ADD2: variants seen among roughly 807,000 people sequenced by gnomAD.
ADD2 encodes the protein adducin 2.
In ADD2, 23 loss-of-function variants were observed where a neutral mutation model predicts 83.0. The observed-to-expected ratio is 0.28, with a 90% CI of 0.20 to 0.39. The LOEUF (loss-of-function observed/expected upper bound fraction) is 0.39. Ranked by LOEUF, ADD2 falls within the 10% of genes least tolerant of loss-of-function variation. The pLI, the probability that ADD2 is intolerant of heterozygous loss-of-function variation, is 1.00. For synonymous variants in ADD2, 375 were observed against 375.4 expected (o/e 1.00, Z 0.01); for missense variants, 758 against 944.9 (o/e 0.80, Z 2.59).
chr2:70,755,593 G>A (rs1381921342), intron 1 of ADD2, among the ~76,000 whole-genome samples: 11 of 152,152 alleles, frequency 7.2e-5, no homozygotes, highest in African/African-American at 2.7e-4. Context: ...ACTGACTGAT[G>A]AGCTGGGTTG....
At chr2:70,664,944 G>T (rs1392900160) in intron 15 of ADD2, among the ~76,000 whole-genome samples, 17 of 152,070 alleles carry the variant, frequency 1.1e-4, no homozygotes, top group Admixed American at 1.1e-3. Context: ...GTGTAAGTGT[G>T]TGTGAGTGCA....
chr2:70,703,025 C>T (rs1017947726), intron 4 of ADD2, among the ~76,000 whole-genome samples: 11 of 151,910 alleles, frequency 7.2e-5, no homozygotes, highest in African/African-American at 2.7e-4. Flanking sequence ...ACTTGGCAGG[C>T]TGAAGTGGGA....
chr2:70,761,430 G>C (rs553531636), intron 1 of ADD2, among the ~76,000 whole-genome samples: 2 of 151,662 alleles, frequency 1.3e-5, no homozygotes, highest in Admixed American at 1.3e-4. Flanking sequence ...CCAACATGGT[G>C]AAACCTGGTC....
At chr2:70,680,468 T>C (rs1251276530) in intron 10 of ADD2, among the ~76,000 whole-genome samples, 1 of 152,238 alleles carries the variant, frequency 6.6e-6, no homozygotes, top group Non-Finnish European at 1.5e-5. Context: ...TATTCCTAAT[T>C]ACTTTTCTTT....
At chr2:70,705,307 G>T (rs565536684) in intron 3 of ADD2, among the ~76,000 whole-genome samples, 1 of 152,304 alleles carries the variant, frequency 6.6e-6, no homozygotes, top group Admixed American at 6.5e-5. Flanking sequence ...CCCTGGAGCT[G>T]CTCTGTGTGG....
At chr2:70,734,700 A>G (rs1242786164) in intron 1 of ADD2, among the ~76,000 whole-genome samples, 1 of 152,166 alleles carries the variant, frequency 6.6e-6, no homozygotes, top group Non-Finnish European at 1.5e-5. Context: ...AATTAAAGGG[A>G]GCTTGGACAT....
intron 1 of ADD2, among the ~76,000 whole-genome samples, chr2:70,724,710 G>T (rs889205315): frequency 2.0e-5 from 3 of 152,224 alleles, no homozygotes; most frequent in Non-Finnish European, 4.4e-5. Context: ...CCACGGCTGT[G>T]CTTGTGCTCC....
chr2:70,677,468 C>T (rs62627369), intron 12 of ADD2, among the ~76,000 whole-genome samples: 3,636 of 152,278 alleles, frequency 0.024, 81 homozygotes, highest in Admixed American at 0.058. Context: ...GCCAATAAGC[C>T]AAAAGGAAAA....
rs992315141 is a variant in ADD2 at position 70,706,923 on chromosome 2, C to T, written c.-34-481G>A. Among the ~76,000 whole-genome samples, 3 of 152,188 alleles carry T rather than the reference C, an allele frequency of 2.0e-5. No homozygotes were observed. Among genetic ancestry groups the T allele is most frequent in the East Asian group, 1.9e-4 (1 of 5,180 alleles). ...AACACCTAGGTAATGGGTTGATAGGCGCAGCAAACCACCATGGCACACATT... is the reference window on the plus strand; with the variant it reads ...AACACCTAGGTAATGGGTTGATAGGTGCAGCAAACCACCATGGCACACATT... On this transcript the variant is annotated intron_variant, in intron 2 of 15. Transcript: ENST00000264436. This position sits in a 1 kb window ranked among gnomAD's most constrained non-coding sequence, Gnocchi z 5.0.
At chr2:70,752,208 T>A (rs569032837) in intron 1 of ADD2, among the ~76,000 whole-genome samples, 10 of 152,254 alleles carry the variant, frequency 6.6e-5, no homozygotes, top group African/African-American at 2.4e-4. Flanking sequence ...ATTATATTCA[T>A]AACAAGGGAG....
chr2:70,713,787 G>A (rs1043943284), intron 1 of ADD2, among the ~76,000 whole-genome samples: 2 of 152,108 alleles, frequency 1.3e-5, no homozygotes, highest in African/African-American at 4.8e-5. Context: ...GAGCCCAGAC[G>A]TGGTGGCGAG....
chr2:70,675,571 A>T, intron 13 of ADD2: 1 of 985,446 alleles, frequency 1.0e-6, no homozygotes. Context: ...CAGACTCCAC[A>T]GCCTTTTTTC....
intron 2 of ADD2, among the ~76,000 whole-genome samples, chr2:70,710,426 T>A (rs1463259804): frequency 2.0e-5 from 3 of 152,214 alleles, no homozygotes; most frequent in African/African-American, 7.2e-5. Flanking sequence ...GGACAGGAGC[T>A]CACACCGCTA....
intron 1 of ADD2, among the ~76,000 whole-genome samples, chr2:70,716,646 T>C (rs1553376399): frequency 2.6e-5 from 4 of 152,134 alleles, no homozygotes; most frequent in African/African-American, 9.7e-5. Flanking sequence ...TAGTTGAAGG[T>C]AAATTGGGAA....
intron 1 of ADD2, among the ~76,000 whole-genome samples, chr2:70,736,494 C>A (rs1314626976): frequency 4.6e-5 from 7 of 152,164 alleles, no homozygotes; most frequent in African/African-American, 1.4e-4. Context: ...AGTATTTTTG[C>A]AAAATGACCC....
intron 12 of ADD2, among the ~76,000 whole-genome samples, chr2:70,677,556 A>C (rs1181481821): frequency 6.6e-6 from 1 of 152,216 alleles, no homozygotes; most frequent in Non-Finnish European, 1.5e-5. Context: ...GCTGTGCTCT[A>C]GGTAAAGGGT....
intron 1 of ADD2, among the ~76,000 whole-genome samples, chr2:70,751,948 T>C (rs1349977929): frequency 1.3e-5 from 2 of 152,224 alleles, no homozygotes; most frequent in Non-Finnish European, 2.9e-5. Context: ...GTCGCCGCTT[T>C]TCACAAGGGC....
chr2:70,663,055 C>A lies in ADD2; in HGVS notation c.*370G>T. 1 of 201,564 alleles carries A rather than the reference C, an allele frequency of 5.0e-6. No individual in the cohort carries two copies. Among genetic ancestry groups the A allele is most frequent in the South Asian group, 1.1e-4 (1 of 9,276 alleles). The allele number at this position is 201,564 out of a possible 1,614,324, so 12.5% of individuals were successfully genotyped here. A position where few individuals can be genotyped will look rare whatever the true frequency, so the allele number is the denominator to read the frequency against. ...CCTTGACCTCTGATTTAGTCTGAGCCTGTGAGAGCTCACGGCCCATTTCTG... is the reference window on the plus strand; with the variant it reads ...CCTTGACCTCTGATTTAGTCTGAGCATGTGAGAGCTCACGGCCCATTTCTG... On this transcript the variant is annotated 3_prime_UTR_variant, in exon 16 of 16. Transcript: ENST00000264436.
chr2:70,756,548 T>C (rs1674802293), intron 1 of ADD2, among the ~76,000 whole-genome samples: 1 of 152,232 alleles, frequency 6.6e-6, no homozygotes, highest in Admixed American at 6.5e-5. Flanking sequence ...TTTAATTACC[T>C]TATAGACAAA....
Sources: gnomAD v4.1 joint callset for allele counts (sites outside exome capture counted in the v4.1 genomes callset) on GRCh38, gnomAD v4.1.1 for gene constraint, Gnocchi (gnomAD v3.1) non-coding constraint, MANE v1.5 for transcripts, NCBI Gene and HGNC (gene_info 2026-07-23, HGNC 2026-07-21) for gene names.